The following USP32 variants were observed in gnomAD, a reference collection of about 807,000 sequenced individuals.
The protein encoded by USP32 is ubiquitin carboxyl-terminal hydrolase 32.
A neutral mutation model predicts 204.8 loss-of-function variants in USP32; 59 were observed. The observed-to-expected ratio is 0.29, with a 90% CI of 0.23 to 0.36. The LOEUF (loss-of-function observed/expected upper bound fraction) is 0.36. USP32 is among the 10% of genes least tolerant of loss of function. The pLI, the probability that USP32 is intolerant of heterozygous loss-of-function variation, is 1.00. For synonymous variants in USP32, 517 were observed against 678.4 expected (o/e 0.76, Z 3.70); for missense variants, 1,160 against 1,946.4 (o/e 0.60, Z 7.60).
intron 17 of USP32, among the ~76,000 whole-genome samples, chr17:60,214,022 A>T (rs2145523829): frequency 6.6e-6 from 1 of 151,604 alleles, no homozygotes; most frequent in East Asian, 1.9e-4. Context: ...GGCTCACTGC[A>T]ACCTCTGCCT....
chr17:60,391,983 C>T lies in USP32; in HGVS notation c.-44G>A. The T allele has an allele frequency of 6.3e-7, 1 of 1,585,392 alleles. No homozygotes were observed. The highest frequency in any genetic ancestry group is 8.6e-7 in the Non-Finnish European group (1 of 1,165,624). On this transcript the variant is annotated 5_prime_UTR_variant, in exon 1 of 34. Coordinates refer to ENST00000300896, the MANE Select transcript of USP32 (RefSeq NM_032582.4). Reference sequence around the variant, plus strand: ...GCGGGGGGTCGGAGCCTGATCTCGCCCCCACCCCCCTCCCGCCTTCTCCTC... The same window carrying T: ...GCGGGGGGTCGGAGCCTGATCTCGCTCCCACCCCCCTCCCGCCTTCTCCTC...
At position 60,179,225 on chromosome 17, in the gene USP32, C is replaced by T; in HGVS notation, c.*30G>A. On this transcript the variant is annotated 3_prime_UTR_variant, in exon 34 of 34. Coordinates refer to ENST00000300896, the MANE Select transcript of USP32 (RefSeq NM_032582.4). ...CTACAAGGAGTCATCTCCCTCACCGCCAAGCTGTCTAGCAGCCAGAGTGGT... is the reference window on the plus strand; with the variant it reads ...CTACAAGGAGTCATCTCCCTCACCGTCAAGCTGTCTAGCAGCCAGAGTGGT... 6.2e-7 allele frequency: 1 copy of T among 1,600,586 alleles called. No homozygotes were observed. Among genetic ancestry groups the T allele is most frequent in the Non-Finnish European group, 8.5e-7 (1 of 1,170,506 alleles).
At chr17:60,407,487 C>T (rs1002470225) in intron 1 of USP32, among the ~76,000 whole-genome samples, 4 of 152,124 alleles carry the variant, frequency 2.6e-5, no homozygotes, top group Non-Finnish European at 5.9e-5. Flanking sequence ...GTAAAGTACA[C>T]GCTAGAACTG....
At position 60,267,645 on chromosome 17, in the gene USP32, C is replaced by G. The variant is rs183452001; in HGVS notation, c.812-1554G>C. On this transcript the variant is annotated intron_variant, in intron 7 of 33. Transcript: ENST00000300896. ...AAGCGATTCTCCTGCCTCAGCCTCCCGAGTAGCTGGGACTATAGGTGTCCA... is the reference window on the plus strand; with the variant it reads ...AAGCGATTCTCCTGCCTCAGCCTCCGGAGTAGCTGGGACTATAGGTGTCCA... Among the ~76,000 whole-genome samples, 332 of 152,000 alleles carry G rather than the reference C, an allele frequency of 2.2e-3. 1 individual carries two copies. Among genetic ancestry groups the G allele is most frequent in the African/African-American group, 7.5e-3 (311 of 41,462 alleles).
Position 60,255,373 on chromosome 17 carries a change from C to G in USP32, c.991-115G>C, listed in dbSNP as rs887475179. On this transcript the variant is annotated intron_variant, in intron 9 of 33. Transcript: ENST00000300896. ...AGTGCAATGGCACGATCTTGGCTCA[C>G]TGAAACCTCGGCCTCCTGGGTGCAA... 4.1e-6 allele frequency: 3 copies of G among 727,614 alleles called. No homozygotes were observed. The African/African-American group carries it at 5.6e-5, about 14-fold the overall frequency. 45.1% of individuals were successfully genotyped at this position (727,614 alleles called of 1,614,324 possible).
intron 1 of USP32, among the ~76,000 whole-genome samples, chr17:60,411,216 T>A (rs574788790): frequency 6.6e-6 from 1 of 151,710 alleles, no homozygotes; most frequent in African/African-American, 2.4e-5. Context: ...TCCCAGCTAT[T>A]TGGGGGCTGA....
chr17:60,357,513 C>T (rs201378109), intron 1 of USP32, among the ~76,000 whole-genome samples: 1 of 152,110 alleles, frequency 6.6e-6, no homozygotes, highest in East Asian at 1.9e-4. Context: ...GAGCAAGACC[C>T]TGTCTCTTAA....
intron 1 of USP32, among the ~76,000 whole-genome samples, chr17:60,356,334 G>T (rs909821330): frequency 6.6e-5 from 10 of 152,124 alleles, no homozygotes; most frequent in Non-Finnish European, 1.3e-4. Context: ...CATATTCCTG[G>T]AAATCCAAAA....
intron 5 of USP32, among the ~76,000 whole-genome samples, chr17:60,282,719 G>A (rs1395585910): frequency 6.6e-6 from 1 of 152,180 alleles, no homozygotes; most frequent in African/African-American, 2.4e-5. Context: ...TAAACATGAT[G>A]ATTTATCTTG....
At chr17:60,326,979 A>ATG (rs35311878) in intron 2 of USP32, among the ~76,000 whole-genome samples, 3 of 152,072 alleles carry the variant, frequency 2.0e-5, no homozygotes, top group African/African-American at 7.2e-5. Flanking sequence ...GAGGAAAGGG[A>ATG]GGGGGAGGAA....
chr17:60,405,843 A>C (rs1381929176), intron 1 of USP32, among the ~76,000 whole-genome samples: 1 of 152,196 alleles, frequency 6.6e-6, no homozygotes, highest in African/African-American at 2.4e-5. Context: ...CATCGTGCAT[A>C]GAATTTTATT....
At chr17:60,252,530 G>T in intron 10 of USP32, 88 bp from the exon 11 acceptor site, 2 of 962,900 alleles carry the variant, frequency 2.1e-6, no homozygotes, top group Non-Finnish European at 3.1e-6. Flanking sequence ...ATTGGAATCT[G>T]AATTAGCAAC....
chr17:60,295,839 G>GTA (rs1407489783), intron 3 of USP32, among the ~76,000 whole-genome samples: 2 of 152,080 alleles, frequency 1.3e-5, no homozygotes, highest in African/African-American at 2.4e-5. Context: ...GGAAGAAACG[G>GTA]TATATATAGG....
At chr17:60,303,210 C>T (rs2087629770) in intron 2 of USP32, among the ~76,000 whole-genome samples, 1 of 152,094 alleles carries the variant, frequency 6.6e-6, no homozygotes, top group Non-Finnish European at 1.5e-5. Flanking sequence ...TGTAAAATAA[C>T]TATTTTTAGT....
At chr17:60,184,546 C>T (rs1186812714) in intron 30 of USP32, among the ~76,000 whole-genome samples, 4 of 152,068 alleles carry the variant, frequency 2.6e-5, no homozygotes, top group South Asian at 2.1e-4. Flanking sequence ...CGGTGGCTCA[C>T]GCCTGTAATT....
chr17:60,350,014 T>G, intron 1 of USP32, among the ~76,000 whole-genome samples: 1 of 151,176 alleles, frequency 6.6e-6, no homozygotes, highest in Non-Finnish European at 1.5e-5. Context: ...TGTTGGTTTT[T>G]GTTTTTTTTT....
At chr17:60,301,132 C>T (rs1395613961) in intron 3 of USP32, among the ~76,000 whole-genome samples, 1 of 152,150 alleles carries the variant, frequency 6.6e-6, no homozygotes, top group African/African-American at 2.4e-5. Context: ...CTATTATGAA[C>T]AATGATGCTA....
Position 60,301,657 on chromosome 17 carries a change from A to G in USP32, c.234T>C (p.Asn78=), listed in dbSNP as rs542163751. 5.3e-4 allele frequency: 848 copies of G among 1,599,232 alleles called. 6 individuals are homozygous for G. The South Asian group carries it at 8.6e-3, about 16-fold the overall frequency. ...FGGTSKGLHF[N]NLIVGLVLLT... is the part of the protein sequence containing the mutation. ...GGAGGACAAGTCCAACTATTAAATT[A>G]TTGAAGTGCAGCCCTTTGGATGTTC... Residue 78 remains asparagine (N), a synonymous_variant, in exon 3 of 34, where the codon AAT becomes AAC. Transcript: ENST00000300896.
chr17:60,389,783 G>A (rs904318719), intron 1 of USP32, among the ~76,000 whole-genome samples: 1 of 151,868 alleles, frequency 6.6e-6, no homozygotes, highest in Non-Finnish European at 1.5e-5. Flanking sequence ...TTGGGAGGCC[G>A]AGGCGGGCAG....
Sources: gnomAD v4.1 joint callset for allele counts (sites outside exome capture counted in the v4.1 genomes callset) on GRCh38, gnomAD v4.1.1 for gene constraint, MANE v1.5 for transcripts, NCBI Gene and HGNC (gene_info 2026-07-23, HGNC 2026-07-21) for gene names.